ANK1: variants seen among roughly 807,000 people sequenced by gnomAD.
ANK1 encodes the protein ankyrin-1.
Under a neutral mutation model 210.4 loss-of-function variants are expected in ANK1, and 51 were observed. The observed-to-expected ratio is 0.24, with a 90% CI of 0.19 to 0.31. The LOEUF is 0.31. Among genes scored for constraint, ANK1 ranks in the 10% least tolerant of loss-of-function variants. The pLI is 1.00. For synonymous variants in ANK1, 967 were observed against 1,025.9 expected (o/e 0.94, Z 1.10); for missense variants, 2,051 against 2,504.4 (o/e 0.82, Z 3.86).
intron 31 of ANK1, among the ~76,000 whole-genome samples, chr8:41,691,087 G>C (rs1474648842): frequency 6.6e-6 from 1 of 152,128 alleles, no homozygotes; most frequent in Non-Finnish European, 1.5e-5. Flanking sequence ...CTAGCCAGGT[G>C]TGGTGGCATG....
chr8:41,714,121 C>T, intron 16 of ANK1, 35 bp downstream of exon 16: 2 of 1,310,790 alleles, frequency 1.5e-6, no homozygotes, highest in South Asian at 2.9e-5. Context: ...GTGACCTGCT[C>T]TCCAGGGGCA....
At position 41,792,519 on chromosome 8, in the gene ANK1, T is replaced by C. The variant is rs1296567287; in HGVS notation, c.27+4993A>G. On this transcript the variant is annotated intron_variant, in intron 1 of 42. Transcript: ENST00000289734. ...AATTAATTCACTTAACAAATCTATTTTTCAGCCCCAGGTTCAAGACCTTGG... is the reference window on the plus strand; with the variant it reads ...AATTAATTCACTTAACAAATCTATTCTTCAGCCCCAGGTTCAAGACCTTGG... Among the ~76,000 whole-genome samples the C allele has an allele frequency of 6.6e-5, 10 of 152,346 alleles. No individual in the cohort carries two copies. In the East Asian group the frequency reaches 1.9e-3, roughly 29 times the overall value.
chr8:41,664,350 G>A (rs1809635173), intron 39 of ANK1: 1 of 367,170 alleles, frequency 2.7e-6, no homozygotes, highest in African/African-American at 2.1e-5. Flanking sequence ...GTGTGTGCCT[G>A]TAGTACCAGC....
In ANK1 at chr8:41,710,112, T is replaced by C. The variant is rs183317047; in HGVS notation, c.1801-1137A>G. 1.2e-4 allele frequency among the ~76,000 whole-genome samples: 18 copies of C among 147,988 alleles called. No homozygotes were observed. The East Asian group carries it at 2.6e-3, about 21-fold the overall frequency. On this transcript the variant is annotated intron_variant, in intron 16 of 42. Coordinates refer to ENST00000289734, the MANE Select transcript of ANK1 (RefSeq NM_000037.4). ...ATTATTATTATTGATAGCAAGACTG[T>C]CTCAGTGAAGGAAGCAGCGCATGGG...
chr8:41,882,805 G>A (rs1051809242), intron 1 of ANK1, among the ~76,000 whole-genome samples: 1 of 152,224 alleles, frequency 6.6e-6, no homozygotes, highest in African/African-American at 2.4e-5. Context: ...CTCTCCCTCT[G>A]GAGTCAGGGC....
chr8:41,811,611 C>T (rs1334893471), intron 1 of ANK1, among the ~76,000 whole-genome samples: 1 of 152,222 alleles, frequency 6.6e-6, no homozygotes, highest in Non-Finnish European at 1.5e-5. Flanking sequence ...CTCTCCAGGC[C>T]ACAGGCCAGA....
intron 1 of ANK1, among the ~76,000 whole-genome samples, chr8:41,765,868 T>C (rs1229249830): frequency 4.6e-5 from 7 of 152,110 alleles, no homozygotes; most frequent in African/African-American, 9.7e-5. Flanking sequence ...CAACATGCTG[T>C]CACCCATGAG....
intron 7 of ANK1, 52 bp downstream of exon 7, chr8:41,724,404 A>C (rs934518674): frequency 1.8e-5 from 26 of 1,464,254 alleles, no homozygotes; most frequent in Non-Finnish European, 2.4e-5. Flanking sequence ...GGCAGGAGCA[A>C]CTGCCAGCCC....
At chr8:41,725,496 T>G (rs1006223321) in intron 6 of ANK1, among the ~76,000 whole-genome samples, 2 of 152,190 alleles carry the variant, frequency 1.3e-5, no homozygotes, top group Non-Finnish European at 2.9e-5. Flanking sequence ...TGACCCGCCC[T>G]GCCCGCCTGG....
chr8:41,704,670 C>T lies in ANK1; in HGVS notation c.2098-198G>A, dbSNP rs535393060. On this transcript the variant is annotated intron_variant, in intron 18 of 42. Coordinates refer to ENST00000289734, the MANE Select transcript of ANK1 (RefSeq NM_000037.4). This position sits in a 1 kb window ranked among gnomAD's most constrained non-coding sequence, Gnocchi z 4.1. ...GGGAGACCCAAGGGGAGACGTCAAG[C>T]GGGCAACTGGAAAATGGACACTGAA... Among the ~76,000 whole-genome samples the T allele has an allele frequency of 2.6e-5, 4 of 152,220 alleles. No homozygotes were observed. The highest frequency in any genetic ancestry group is 4.1e-4 in the South Asian group (2 of 4,828).
At chr8:41,757,946 G>T in intron 2 of ANK1, 90 bp downstream of exon 2, 4 of 1,204,380 alleles carry the variant, frequency 3.3e-6, no homozygotes, top group Non-Finnish European at 4.9e-6. Context: ...CTGAGAAAAG[G>T]TTAATAGAGG....
chr8:41,831,875 A>G (rs1348229045), intron 1 of ANK1, among the ~76,000 whole-genome samples: 1 of 152,224 alleles, frequency 6.6e-6, no homozygotes, highest in Non-Finnish European at 1.5e-5. Flanking sequence ...ATGGATTCAC[A>G]CAGCAACACG....
intron 2 of ANK1, among the ~76,000 whole-genome samples, chr8:41,742,164 C>G (rs984210363): frequency 1.3e-5 from 2 of 152,204 alleles, no homozygotes; most frequent in African/African-American, 4.8e-5. Context: ...GTGAGAAATT[C>G]CATTGGCAAA....
At chr8:41,718,238 G>A (rs1303627081) in intron 10 of ANK1, 34 bp from the exon 11 acceptor site, 2 of 1,607,362 alleles carry the variant, frequency 1.2e-6, no homozygotes, top group Non-Finnish European at 1.7e-6. Flanking sequence ...AGACAAGCAG[G>A]AGCTTACACA....
At chr8:41,835,832 C>T (rs1807583200) in intron 1 of ANK1, among the ~76,000 whole-genome samples, 1 of 152,256 alleles carries the variant, frequency 6.6e-6, no homozygotes, top group South Asian at 2.1e-4. Flanking sequence ...CATCTGTCAC[C>T]TGAGATGGTT....
chr8:41,763,881 C>CTTTTTTG (rs1841052618), intron 1 of ANK1, among the ~76,000 whole-genome samples: 2 of 72,142 alleles, frequency 2.8e-5, no homozygotes, highest in Admixed American at 1.8e-4. Context: ...TTCTTTTTTT[C>CTTTTTTG]TTTTTTTCTT....
chr8:41,827,132 T>A (rs1438431831), intron 1 of ANK1, among the ~76,000 whole-genome samples: 1 of 152,248 alleles, frequency 6.6e-6, no homozygotes, highest in East Asian at 1.9e-4. Flanking sequence ...ATTTGCTGAT[T>A]TTCAGATTGC....
At chr8:41,827,981 C>G (rs1805784803) in intron 1 of ANK1, among the ~76,000 whole-genome samples, 1 of 152,084 alleles carries the variant, frequency 6.6e-6, no homozygotes, top group Non-Finnish European at 1.5e-5. Flanking sequence ...CCCCCAACCC[C>G]CGACACACAC....
intron 30 of ANK1, 97 bp from the exon 31 acceptor site, chr8:41,692,973 A>G (rs1819700445): frequency 4.6e-6 from 7 of 1,516,308 alleles, no homozygotes; most frequent in South Asian, 2.3e-5. Flanking sequence ...CATGGCTACT[A>G]TTGCCACACC....
Sources: gnomAD v4.1 joint callset for allele counts (sites outside exome capture counted in the v4.1 genomes callset) on GRCh38, gnomAD v4.1.1 for gene constraint, Gnocchi (gnomAD v3.1) non-coding constraint, MANE v1.5 for transcripts, NCBI Gene and HGNC (gene_info 2026-07-23, HGNC 2026-07-21) for gene names.